Variants in TCF25 observed in about 807,000 individuals in gnomAD.
The protein encoded by TCF25 is ribosome quality control complex subunit TCF25.
A neutral mutation model predicts 83.1 loss-of-function variants in TCF25; 41 were observed. The observed-to-expected ratio is 0.49, with a 90% CI of 0.38 to 0.64. The LOEUF is 0.64. Among genes scored for constraint, TCF25 ranks in the 30% least tolerant of loss-of-function variants. TCF25 has a pLI of 0.00. For missense variants in TCF25, 979 were observed against 914.5 expected (o/e 1.07, Z -0.91); for synonymous variants, 458 against 365.0 (o/e 1.25, Z -2.90).
chr16:89,873,952 A>T, intron 1 of TCF25, 93 bp downstream of exon 1: 6 of 1,225,946 alleles, frequency 4.9e-6, no homozygotes, highest in East Asian at 4.6e-5. Context: ...CGGGGTTGTG[A>T]TGCCAGGGGT....
At chr16:89,890,566 T>G (rs766868841) in intron 5 of TCF25, 1 of 152,224 alleles carries the variant, frequency 6.6e-6, no homozygotes, top group Non-Finnish European at 1.5e-5. Flanking sequence ...CTTTATATTT[T>G]ACTTTACATT....
intron 16 of TCF25, chr16:89,909,973 T>C (rs1163594073): frequency 6.6e-6 from 1 of 152,508 alleles, no homozygotes; most frequent in Non-Finnish European, 1.5e-5. Context: ...TTTTTACCTT[T>C]TCCTTCTGGG....
chr16:89,897,035 A>G (rs1318240876), intron 9 of TCF25, among the ~76,000 whole-genome samples: 2 of 151,880 alleles, frequency 1.3e-5, no homozygotes, highest in African/African-American at 2.4e-5. Flanking sequence ...TCTCAAAAAA[A>G]AAAAAAGAAG....
At chr16:89,876,136 G>A (rs779158497) in intron 1 of TCF25, among the ~76,000 whole-genome samples, 1 of 152,102 alleles carries the variant, frequency 6.6e-6, no homozygotes, top group Non-Finnish European at 1.5e-5. Context: ...TCTGGAGTGA[G>A]TTTGAGTGTC....
intron 1 of TCF25, chr16:89,878,381 T>A: frequency 2.5e-6 from 3 of 1,176,778 alleles, no homozygotes; most frequent in Non-Finnish European, 3.2e-6. Context: ...AGGTCAGGAG[T>A]TCGAGACCAG....
intron 15 of TCF25, 96 bp downstream of exon 15, chr16:89,906,380 G>A (rs1041650927): frequency 1.1e-4 from 142 of 1,264,436 alleles, no homozygotes; most frequent in Middle Eastern, 5.7e-4. Flanking sequence ...TGCGTGGTGC[G>A]GGCTCCCTCA....
intron 1 of TCF25, among the ~76,000 whole-genome samples, chr16:89,874,177 G>C (rs1014148559): frequency 6.6e-6 from 1 of 152,096 alleles, no homozygotes; most frequent in Non-Finnish European, 1.5e-5. Context: ...CGGGGTCCGG[G>C]TTGTGGAGGG....
Position 89,895,078 on chromosome 16 carries a change from T to G in TCF25, c.869T>G (p.Leu290Arg). The change falls in exon 8 of 18, where the codon CTG (leucine) becomes CGG (arginine). Residue 290 changes from leucine to arginine, a missense_variant. Leu to Arg is a moderately radical substitution (Grantham distance 102). Transcript: ENST00000263346. Reference sequence around the variant, plus strand: ...AGCCCTTACCACGTTGACTCACTCCTGCAGCTCAGCGATGCCTGCCGCTTT... The same window carrying G: ...AGCCCTTACCACGTTGACTCACTCCGGCAGCTCAGCGATGCCTGCCGCTTT... ...QTSPYHVDSL[L>R]QLSDACRFQE... 6.2e-7 allele frequency: 1 copy of G among 1,613,356 alleles called. No individual in the cohort carries two copies. The highest frequency in any genetic ancestry group is 8.5e-7 in the Non-Finnish European group (1 of 1,179,802).
chr16:89,895,171 T>C (rs773301428), intron 8 of TCF25, 34 bp downstream of exon 8: 1 of 1,587,944 alleles, frequency 6.3e-7, no homozygotes, highest in East Asian at 2.2e-5. Flanking sequence ...TCCCCTCAGC[T>C]GTGGGAGCAC....
chr16:89,900,624 G>C lies in TCF25; in HGVS notation c.1222-11G>C, dbSNP rs138749091. 1 of 1,564,982 alleles carries C rather than the reference G, an allele frequency of 6.4e-7. No individual in the cohort carries two copies. The highest frequency in any genetic ancestry group is 1.1e-5 in the South Asian group (1 of 88,540). On this transcript the variant is annotated splice_polypyrimidine_tract_variant and intron_variant, in intron 11 of 17. Coordinates refer to ENST00000263346, the MANE Select transcript of TCF25 (RefSeq NM_014972.3). ...TTAAGGCTCCACGCTCTGTTTCTTC[G>C]TCCCTCGTAGGCTCATCGGAACCTG...
At chr16:89,886,255 C>G (rs1262733791) in intron 4 of TCF25, 6 of 375,556 alleles carry the variant, frequency 1.6e-5, no homozygotes, top group African/African-American at 4.3e-5. Context: ...GTGAAACCCC[C>G]TCTCTACTAA....
chr16:89,905,993 T>C (rs551820539), intron 14 of TCF25, among the ~76,000 whole-genome samples: 1 of 152,106 alleles, frequency 6.6e-6, no homozygotes, highest in South Asian at 2.1e-4. Flanking sequence ...TGGCTGGGAT[T>C]GGTCCCCAGA....
rs746496335 is a variant in TCF25 at position 89,904,221 on chromosome 16, T to C, written c.1469+16T>C. 6.4e-7 allele frequency: 1 copy of C among 1,553,126 alleles called. No homozygotes were observed. Among genetic ancestry groups the C allele is most frequent in the South Asian group, 1.2e-5 (1 of 84,528 alleles). On this transcript the variant is annotated intron_variant, in intron 13 of 17. Coordinates refer to ENST00000263346, the MANE Select transcript of TCF25 (RefSeq NM_014972.3). ...CTGAAATAAGGTAAAGAGTGGCTGG[T>C]GGTGCCCATCTGTGGGTGCCTGTGG...
intron 1 of TCF25, chr16:89,878,423 T>G (rs1264138678): frequency 3.2e-6 from 4 of 1,235,524 alleles, no homozygotes; most frequent in Non-Finnish European, 4.1e-6. Context: ...CCGTCTCTAT[T>G]AAAAATCACC....
At chr16:89,894,732 C>T (rs35518096) in intron 7 of TCF25, among the ~76,000 whole-genome samples, 3 of 152,088 alleles carry the variant, frequency 2.0e-5, no homozygotes, top group Admixed American at 6.5e-5. Flanking sequence ...GGCGCAGTCT[C>T]GGCCCGGGTT....
intron 6 of TCF25, among the ~76,000 whole-genome samples, 197 bp downstream of exon 6, chr16:89,892,472 G>A (rs576636121): frequency 8.3e-4 from 127 of 152,218 alleles, no homozygotes; most frequent in Middle Eastern, 6.8e-3. Context: ...TTTGCTCCAG[G>A]AGCGCTCCAG....
intron 9 of TCF25, among the ~76,000 whole-genome samples, chr16:89,896,755 T>C (rs62052179): frequency 0.18 from 26,825 of 151,862 alleles, 3,237 homozygotes; most frequent in African/African-American, 0.34. Context: ...GAGGTTTCAC[T>C]GTGTTGGCCA....
At chr16:89,879,371 G>C (rs1030021784) in intron 1 of TCF25, among the ~76,000 whole-genome samples, 2 of 149,638 alleles carry the variant, frequency 1.3e-5, no homozygotes, top group Non-Finnish European at 3.0e-5. Context: ...TGCTGTCCGT[G>C]TACACAGATG....
At chr16:89,892,396 G>C (rs1417110930) in intron 6 of TCF25, 121 bp downstream of exon 6, 1 of 1,135,800 alleles carries the variant, frequency 8.8e-7, no homozygotes, top group Non-Finnish European at 1.2e-6. Flanking sequence ...GGCGGCGGGG[G>C]GGTGTGTTCT....
Sources: allele counts gnomAD v4.1 joint callset (sites outside exome capture counted in the v4.1 genomes callset), GRCh38; gene constraint gnomAD v4.1.1; transcripts MANE v1.5; gene names NCBI Gene and HGNC (gene_info 2026-07-23, HGNC 2026-07-21).